CCSER1: variants seen among roughly 807,000 people sequenced by gnomAD.
CCSER1 encodes coiled-coil serine rich protein 1, also known as serine-rich coiled-coil domain-containing protein 1.
CCSER1 carries 41 observed loss-of-function variants against 82.0 expected under a neutral mutation model. The observed-to-expected ratio is 0.50, with a 90% CI of 0.39 to 0.65. CCSER1 has a LOEUF of 0.65. Ranked by LOEUF, CCSER1 falls within the 30% of genes least tolerant of loss-of-function variation. The pLI, the probability that CCSER1 is intolerant of heterozygous loss-of-function variation, is 0.00. For synonymous variants in CCSER1, 414 were observed against 383.9 expected (o/e 1.08, Z -0.92); for missense variants, 1,119 against 1,064.2 (o/e 1.05, Z -0.72).
At chr4:91,139,653 T>C (rs1728836037) in intron 10 of CCSER1, among the ~76,000 whole-genome samples, 1 of 152,160 alleles carries the variant, frequency 6.6e-6, no homozygotes, top group South Asian at 2.1e-4. Context: ...GCAAAATGCA[T>C]ATAAAATATC....
At chr4:90,811,472 G>C (rs189633716) in intron 7 of CCSER1, among the ~76,000 whole-genome samples, 1 of 152,262 alleles carries the variant, frequency 6.6e-6, no homozygotes. Flanking sequence ...GGCAAATAAG[G>C]AAAGTGATAG....
intron 5 of CCSER1, among the ~76,000 whole-genome samples, chr4:90,521,070 A>T (rs2153624616): frequency 6.6e-6 from 1 of 152,292 alleles, no homozygotes. Context: ...CTAGGAGTTG[A>T]TTCTTTTTTT....
chr4:91,372,022 T>C (rs531393552), intron 10 of CCSER1, among the ~76,000 whole-genome samples: 19 of 152,314 alleles, frequency 1.2e-4, no homozygotes, highest in African/African-American at 4.6e-4. Context: ...ATCTACAAAG[T>C]TTCCTACTAT....
intron 1 of CCSER1, among the ~76,000 whole-genome samples, chr4:90,257,362 A>T (rs1723511554): frequency 6.6e-6 from 1 of 152,168 alleles, no homozygotes; most frequent in Non-Finnish European, 1.5e-5. Context: ...CATGACACAT[A>T]AAGGGCACTT....
At chr4:91,127,322 G>A (rs938686333) in intron 10 of CCSER1, among the ~76,000 whole-genome samples, 1 of 152,026 alleles carries the variant, frequency 6.6e-6, no homozygotes, top group Admixed American at 6.6e-5. Flanking sequence ...CTACTATTCA[G>A]GAGATTGTAC....
intron 10 of CCSER1, among the ~76,000 whole-genome samples, chr4:91,472,971 C>T (rs1316693384): frequency 3.2e-4 from 49 of 152,162 alleles, no homozygotes; most frequent in Admixed American, 3.2e-3. Flanking sequence ...CTGATATTCT[C>T]GTTTTTCCTA....
chr4:90,356,720 T>A (rs928917177), intron 3 of CCSER1, among the ~76,000 whole-genome samples: 2 of 151,910 alleles, frequency 1.3e-5, no homozygotes, highest in Non-Finnish European at 3.0e-5. Flanking sequence ...TATCCAATAC[T>A]GATACCATAT....
At position 90,812,917 on chromosome 4, in the gene CCSER1, G is replaced by A. The variant is rs144354157; in HGVS notation, c.2011-2845G>A. On this transcript the variant is annotated intron_variant, in intron 7 of 10. Transcript: ENST00000509176. ...TCACCTCCCACCAGGTCTCTCCTGT[G>A]ACACATGGGAATTACAATTTAAGAT... Among the ~76,000 whole-genome samples the A allele has an allele frequency of 4.6e-4, 70 of 152,246 alleles. 1 individual carries two copies. In the East Asian group the frequency reaches 0.011, roughly 25 times the overall value.
At chr4:91,511,516 A>G (rs1402514321) in intron 10 of CCSER1, among the ~76,000 whole-genome samples, 3 of 152,158 alleles carry the variant, frequency 2.0e-5, no homozygotes, top group Non-Finnish European at 2.9e-5. Flanking sequence ...ACCCTGGGCC[A>G]TGGACTGGTA....
chr4:91,586,240 A>T (rs926350621), intron 10 of CCSER1, among the ~76,000 whole-genome samples: 1 of 151,796 alleles, frequency 6.6e-6, no homozygotes, highest in African/African-American at 2.4e-5. Context: ...AATAAGATTG[A>T]GATACCAGTA....
chr4:90,310,808 G>A (rs58133050), intron 2 of CCSER1, among the ~76,000 whole-genome samples: 2 of 151,990 alleles, frequency 1.3e-5, no homozygotes, highest in Non-Finnish European at 2.9e-5. Flanking sequence ...CGAGTAATAG[G>A]ATTATAAAGT....
At chr4:91,570,448 G>A (rs1230846598) in intron 10 of CCSER1, among the ~76,000 whole-genome samples, 1 of 152,204 alleles carries the variant, frequency 6.6e-6, no homozygotes, top group Non-Finnish European at 1.5e-5. Context: ...ATTTCTGCCT[G>A]GACATCCAGG....
At chr4:91,555,422 C>A (rs959116468) in intron 10 of CCSER1, among the ~76,000 whole-genome samples, 21 of 150,716 alleles carry the variant, frequency 1.4e-4, no homozygotes, top group Non-Finnish European at 2.7e-4. Context: ...CTAAATATAC[C>A]AAATATACTA....
At chr4:90,456,736 C>A (rs1762217467) in intron 4 of CCSER1, among the ~76,000 whole-genome samples, 2 of 152,204 alleles carry the variant, frequency 1.3e-5, no homozygotes, top group Non-Finnish European at 2.9e-5. Flanking sequence ...AGAGGCATGG[C>A]ATTTTTCTTT....
intron 9 of CCSER1, among the ~76,000 whole-genome samples, chr4:90,986,768 AC>A (rs1287555387): frequency 1.3e-5 from 2 of 151,738 alleles, no homozygotes; most frequent in Non-Finnish European, 2.9e-5. Context: ...CAAGGGAAAA[AC>A]CATAAATCAT....
chr4:91,196,178 CAA>C (rs61336014), intron 10 of CCSER1, among the ~76,000 whole-genome samples: 16 of 60,814 alleles, frequency 2.6e-4, no homozygotes, highest in Middle Eastern at 7.4e-3. Flanking sequence ...AACAGCGAGA[CAA>C]AAAAAAAAAA....
At chr4:90,165,770 A>C (rs1730342757) in intron 1 of CCSER1, among the ~76,000 whole-genome samples, 1 of 152,040 alleles carries the variant, frequency 6.6e-6, no homozygotes, top group Non-Finnish European at 1.5e-5. Context: ...GGAAATCTGC[A>C]TGGTGAGAAT....
At chr4:90,577,209 A>C (rs902974873) in intron 5 of CCSER1, among the ~76,000 whole-genome samples, 2 of 152,054 alleles carry the variant, frequency 1.3e-5, no homozygotes, top group Non-Finnish European at 2.9e-5. Context: ...CCAGTTTTAC[A>C]TTAGGTTAAA....
At chr4:91,284,999 T>C (rs978243029) in intron 10 of CCSER1, among the ~76,000 whole-genome samples, 1 of 152,048 alleles carries the variant, frequency 6.6e-6, no homozygotes, top group Non-Finnish European at 1.5e-5. Flanking sequence ...GTTTGGGTTC[T>C]TATGAATATA....
Sources: allele counts gnomAD v4.1 joint callset (sites outside exome capture counted in the v4.1 genomes callset), GRCh38; gene constraint gnomAD v4.1.1; transcripts MANE v1.5; gene names NCBI Gene and HGNC (gene_info 2026-07-23, HGNC 2026-07-21).